KCNV2: variants seen among roughly 807,000 people sequenced by gnomAD.
The protein encoded by KCNV2 is potassium voltage-gated channel modifier subfamily V member 2.
Under a neutral mutation model 37.0 loss-of-function variants are expected in KCNV2, and 65 were observed. The observed-to-expected ratio is 1.76, with a 90% CI of 1.44 to 2.16. The LOEUF (loss-of-function observed/expected upper bound fraction) is 2.16, where lower values mean the gene tolerates loss of function less well. Among genes scored for constraint, KCNV2 ranks in the 30% most tolerant of loss-of-function variants. The pLI is 0.00. For missense variants in KCNV2, 1,232 were observed against 766.7 expected (o/e 1.61, Z -7.17); for synonymous variants, 518 against 328.6 (o/e 1.58, Z -6.23).
chr9:2,718,663 G>T lies in KCNV2; in HGVS notation c.924G>T (p.Leu308=). The T allele has an allele frequency of 6.2e-7, 1 of 1,613,366 alleles. No individual in the cohort carries two copies. The highest frequency in any genetic ancestry group is 2.2e-5 in the East Asian group (1 of 44,848). Residue 308 remains leucine, a synonymous_variant, in exon 1 of 2, where the codon CTG becomes CTT. Transcript: ENST00000382082. Reference sequence around the variant, plus strand: ...CCATCCTGGAGCACGTGGAGATGCTGTGCATGGGCTTCTTCACGCTCGAGT... The same window carrying T: ...CCATCCTGGAGCACGTGGAGATGCTTTGCATGGGCTTCTTCACGCTCGAGT... The part of the protein sequence containing the change: ...LRPILEHVEM[L]CMGFFTLEYL...
chr9:2,728,916 AG>A (rs1820015059), intron 1 of KCNV2, among the ~76,000 whole-genome samples: 3 of 151,164 alleles, frequency 2.0e-5, no homozygotes, highest in African/African-American at 7.3e-5. Context: ...AAAAAGAGAG[AG>A]AGAGAGTCTG....
chr9:2,720,131 G>T (rs548784523), intron 1 of KCNV2, among the ~76,000 whole-genome samples: 86 of 152,342 alleles, frequency 5.6e-4, no homozygotes, highest in African/African-American at 2.0e-3. Context: ...TCCCATGTCA[G>T]AAAGTAGATA....
chr9:2,728,889 AAAAAAAAG>A (rs1177957510), intron 1 of KCNV2, among the ~76,000 whole-genome samples: 240 of 150,598 alleles, frequency 1.6e-3, no homozygotes, highest in African/African-American at 5.8e-3. Context: ...AATAAAAAAA[AAAAAAAAG>A]AAAAAAAGAA....
intron 1 of KCNV2, 102 bp downstream of exon 1, chr9:2,719,197 C>T (rs778096918): frequency 9.2e-6 from 12 of 1,305,900 alleles, no homozygotes; most frequent in Admixed American, 1.9e-5. Flanking sequence ...TTCTGATCCT[C>T]GTCTTCCCCC....
At chr9:2,728,383 T>C (rs1378313944) in intron 1 of KCNV2, among the ~76,000 whole-genome samples, 1 of 152,180 alleles carries the variant, frequency 6.6e-6, no homozygotes, top group Non-Finnish European at 1.5e-5. Context: ...AGGCTTCTAG[T>C]AATTTAGCCA....
Position 2,729,511 on chromosome 9 carries a change from C to G in KCNV2, c.1422C>G (p.Ala474=). The G allele has an allele frequency of 2.5e-6, 4 of 1,614,118 alleles. No homozygotes were observed. The highest frequency in any genetic ancestry group is 3.4e-6 in the Non-Finnish European group (4 of 1,180,020). Residue 474 remains alanine (A), a synonymous_variant, in exon 2 of 2, where the codon GCC becomes GCG. Coordinates refer to ENST00000382082, the MANE Select transcript of KCNV2 (RefSeq NM_133497.4). The stretch of plus-strand genomic sequence containing the variant: ...AGACCCACCTGGGCAGGTTTTTTGC[C>G]TTCCTCTGCATTGCTTTTGGGATCA... ...YPETHLGRFF[A]FLCIAFGIIL...
rs1201543395 is a variant in KCNV2 at position 2,718,029 on chromosome 9, C to T, written c.290C>T (p.Ser97Phe). Residue 97 changes from serine (S) to phenylalanine (F), a missense_variant, in exon 1 of 2, where the codon TCC becomes TTC. Transcript: ENST00000382082. ...EGPSDPPALL[S>F]TLNVNVGGHS... ...CCCAGCGACCCTCCGGCCCTGCTGT[C>T]CACGCTGAATGTGAACGTGGGTGGC... The T allele has an allele frequency of 6.2e-7, 1 of 1,612,498 alleles. No individual in the cohort carries two copies. Among genetic ancestry groups the T allele is most frequent in the Non-Finnish European group, 8.5e-7 (1 of 1,179,208 alleles).
In KCNV2 at chr9:2,717,586, C is replaced by T. The variant is rs1284093079; in HGVS notation, c.-154C>T. On this transcript the variant is annotated 5_prime_UTR_variant, in exon 1 of 2. Transcript: ENST00000382082. Reference sequence around the variant, plus strand: ...CCCAGGACCTGAGAAGGGGCAGCTCCGGTGGCAATGTCTGAGCCCCTAGCT... The same window carrying T: ...CCCAGGACCTGAGAAGGGGCAGCTCTGGTGGCAATGTCTGAGCCCCTAGCT... 9.8e-6 allele frequency: 9 copies of T among 919,636 alleles called. No individual in the cohort carries two copies. Among genetic ancestry groups the T allele is most frequent in the African/African-American group, 1.6e-5 (1 of 61,046 alleles). 57.0% of individuals were successfully genotyped at this position (919,636 alleles called of 1,614,324 possible).
At chr9:2,724,525 G>A (rs183492493) in intron 1 of KCNV2, among the ~76,000 whole-genome samples, 2 of 152,338 alleles carry the variant, frequency 1.3e-5, no homozygotes, top group African/African-American at 2.4e-5. Flanking sequence ...ATTGCAGGGA[G>A]TAGCTATTGG....
chr9:2,724,627 C>G (rs1055117995), intron 1 of KCNV2, among the ~76,000 whole-genome samples: 2 of 152,170 alleles, frequency 1.3e-5, no homozygotes, highest in Non-Finnish European at 2.9e-5. Flanking sequence ...TGCAAGGACT[C>G]CTAAATTGGC....
rs1431775428 is a variant in KCNV2 at position 2,722,556 on chromosome 9, A to AATAAATTAGAAGTTATTTATTT, written c.1356+3490_1356+3511dup. 3.7e-3 allele frequency among the ~76,000 whole-genome samples: 514 copies of AATAAATTAGAAGTTATTTATTT among 137,516 alleles called. 14 individuals are homozygous for AATAAATTAGAAGTTATTTATTT. The highest frequency in any genetic ancestry group is 0.015 in the African/African-American group (480 of 32,100). The allele number at this position is 137,516 out of a possible 152,430, so 90.2% of individuals were successfully genotyped here. Reference sequence around the variant, plus strand: ...ATAAATAAATTAGAAGTTATTTATAAATAAATTAGAAGTTATTTATTTATA... The same window carrying AATAAATTAGAAGTTATTTATTT: ...ATAAATAAATTAGAAGTTATTTATAAATAAATTAGAAGTTATTTATTTATAAATTAGAAGTTATTTATTTATA... On this transcript the variant is annotated intron_variant, in intron 1 of 1. Transcript: ENST00000382082.
In KCNV2 at chr9:2,723,505, T is replaced by C. The variant is rs1212916228; in HGVS notation, c.1356+4410T>C. Among the ~76,000 whole-genome samples, 6 of 152,190 alleles carry C rather than the reference T, an allele frequency of 3.9e-5. No individual in the cohort carries two copies. The South Asian group carries it at 6.2e-4, about 16-fold the overall frequency. On this transcript the variant is annotated intron_variant, in intron 1 of 1. Transcript: ENST00000382082. ...GGACACTTATGTCTACAAATGCTCA[T>C]GTATTAGGATGTAGGATAGACCTGT...
chr9:2,729,300 G>A (rs933652480), intron 1 of KCNV2, 146 bp from the exon 2 acceptor site: 6 of 821,434 alleles, frequency 7.3e-6, no homozygotes, highest in Non-Finnish European at 6.1e-6. Flanking sequence ...AGTCTTCCTG[G>A]TACCTCCTAA....
At chr9:2,728,905 G>GT (rs1345514627) in intron 1 of KCNV2, among the ~76,000 whole-genome samples, 6 of 149,256 alleles carry the variant, frequency 4.0e-5, no homozygotes, top group Non-Finnish European at 7.4e-5. Context: ...AAGAAAAAAA[G>GT]AAAAAGAGAG....
At position 2,729,910 on chromosome 9, in the gene KCNV2, G is replaced by A. The variant is rs950960189; in HGVS notation, c.*183G>A. ...CCCAAACTCAGAATGTCTCATAGTT[G>A]CTCTGTGTTGTGTGAAACATCTGAC... On this transcript the variant is annotated 3_prime_UTR_variant, in exon 2 of 2. Transcript: ENST00000382082. 8 of 646,092 alleles carry A rather than the reference G, an allele frequency of 1.2e-5. No individual in the cohort carries two copies. Among genetic ancestry groups the A allele is most frequent in the Admixed American group, 2.6e-5 (1 of 39,010 alleles). 40.0% of individuals were successfully genotyped at this position (646,092 alleles called of 1,614,324 possible).
At chr9:2,720,915 T>C (rs970777632) in intron 1 of KCNV2, among the ~76,000 whole-genome samples, 2 of 152,270 alleles carry the variant, frequency 1.3e-5, no homozygotes, top group East Asian at 1.9e-4. Context: ...GTAAATTTTT[T>C]TGAACTGAAT....
chr9:2,729,519 G>A lies in KCNV2; in HGVS notation c.1430G>A (p.Cys477Tyr). ...CTGGGCAGGTTTTTTGCCTTCCTCT[G>A]CATTGCTTTTGGGATCATTCTCAAC... ...THLGRFFAFL[C>Y]IAFGIILNGM... Residue 477 changes from cysteine to tyrosine, a missense_variant, in exon 2 of 2, where the codon TGC becomes TAC. Cys to Tyr is a radical substitution (Grantham distance 194, BLOSUM62 -2). Transcript: ENST00000382082. 3.1e-6 allele frequency: 5 copies of A among 1,614,108 alleles called. No individual in the cohort carries two copies. Among genetic ancestry groups the A allele is most frequent in the Non-Finnish European group, 4.2e-6 (5 of 1,180,010 alleles).
rs1819751807 is a variant in KCNV2, at chr9:2,717,587, G to GGT, written c.-151_-150dup. 6.5e-6 allele frequency: 6 copies of GGT among 928,624 alleles called. No homozygotes were observed. The highest frequency in any genetic ancestry group is 1.0e-5 in the Non-Finnish European group (6 of 600,776). 57.5% of individuals were successfully genotyped at this position (928,624 alleles called of 1,614,324 possible). On this transcript the variant is annotated 5_prime_UTR_variant, in exon 1 of 2. Transcript: ENST00000382082. ...CCAGGACCTGAGAAGGGGCAGCTCC[G>GGT]GTGGCAATGTCTGAGCCCCTAGCTG...
At chr9:2,728,584 A>G (rs1820005970) in intron 1 of KCNV2, among the ~76,000 whole-genome samples, 1 of 152,240 alleles carries the variant, frequency 6.6e-6, no homozygotes, top group Non-Finnish European at 1.5e-5. Context: ...GAAGTATTTC[A>G]TGCAGGGGTG....
Sources: gnomAD v4.1 joint callset for allele counts (sites outside exome capture counted in the v4.1 genomes callset) on GRCh38, gnomAD v4.1.1 for gene constraint, MANE v1.5 for transcripts, NCBI Gene and HGNC (gene_info 2026-07-23, HGNC 2026-07-21) for gene names.